IMMT: variants seen among roughly 807,000 people sequenced by gnomAD.
IMMT encodes MICOS complex subunit MIC60.
A neutral mutation model predicts 92.7 loss-of-function variants in IMMT; 40 were observed. That is an observed-to-expected ratio of 0.43 (90% CI 0.34 to 0.56). The LOEUF (loss-of-function observed/expected upper bound fraction) is 0.56, where lower values mean the gene tolerates loss of function less well. Among genes scored for constraint, IMMT ranks in the 20% least tolerant of loss-of-function variants. The pLI is 0.03. For missense variants in IMMT, 831 were observed against 912.1 expected (o/e 0.91, Z 1.14); for synonymous variants, 322 against 336.1 (o/e 0.96, Z 0.46).
At chr2:86,178,434 G>A (rs985434145) in intron 3 of IMMT, among the ~76,000 whole-genome samples, 22 of 151,602 alleles carry the variant, frequency 1.5e-4, no homozygotes, top group African/African-American at 5.3e-4. Flanking sequence ...AGACCAGCCT[G>A]GACAACATGG....
At chr2:86,179,785 C>T (rs1677702296) in intron 2 of IMMT, among the ~76,000 whole-genome samples, 163 bp from the exon 3 acceptor site, 2 of 152,160 alleles carry the variant, frequency 1.3e-5, no homozygotes. Context: ...TCACCTTTTC[C>T]TGATTTGTTT....
chr2:86,159,533 T>A lies in IMMT; in HGVS notation c.1032+3A>T. ...AAAATACTATAAGACTTAGGAAACA[T>A]ACCTTTTTGACCACATTATCCAGAT... On this transcript the variant is annotated splice_donor_region_variant and intron_variant, in intron 9 of 14. Coordinates refer to ENST00000410111, the MANE Select transcript of IMMT (RefSeq NM_006839.3). 2 of 1,582,060 alleles carry A rather than the reference T, an allele frequency of 1.3e-6. No homozygotes were observed. The highest frequency in any genetic ancestry group is 1.7e-6 in the Non-Finnish European group (2 of 1,158,050).
intron 1 of IMMT, among the ~76,000 whole-genome samples, chr2:86,194,741 T>C (rs979079342): frequency 6.6e-6 from 1 of 152,130 alleles, no homozygotes; most frequent in Non-Finnish European, 1.5e-5. Flanking sequence ...AGCCACAAGG[T>C]CATGACTCCT....
At chr2:86,185,423 G>C (rs897762204) in intron 1 of IMMT, among the ~76,000 whole-genome samples, 1 of 152,130 alleles carries the variant, frequency 6.6e-6, no homozygotes, top group African/African-American at 2.4e-5. Flanking sequence ...TCTAGTGTGT[G>C]ACCAAAAGAT....
intron 1 of IMMT, among the ~76,000 whole-genome samples, chr2:86,188,710 G>T (rs1236293714): frequency 6.6e-6 from 1 of 152,252 alleles, no homozygotes; most frequent in African/African-American, 2.4e-5. Flanking sequence ...ACAGGCATGA[G>T]CCACAGAGCC....
intron 4 of IMMT, chr2:86,171,589 AT>A: frequency 2.3e-6 from 1 of 435,330 alleles, no homozygotes; most frequent in Non-Finnish European, 4.2e-6. Context: ...ATCCACCTGC[AT>A]TTTAACCATC....
intron 3 of IMMT, 145 bp downstream of exon 3, chr2:86,179,288 G>C (rs1467376594): frequency 3.2e-6 from 2 of 623,944 alleles, no homozygotes; most frequent in African/African-American, 1.9e-5. Flanking sequence ...TCTGAGACTT[G>C]AGCATCCATG....
chr2:86,182,828 G>A (rs1672521874), intron 1 of IMMT, among the ~76,000 whole-genome samples: 3 of 150,956 alleles, frequency 2.0e-5, no homozygotes, highest in Admixed American at 6.6e-5. Flanking sequence ...TCCAGCCTGG[G>A]CAATAGAATG....
intron 1 of IMMT, among the ~76,000 whole-genome samples, chr2:86,193,676 A>G (rs1484953721): frequency 6.6e-6 from 1 of 152,168 alleles, no homozygotes; most frequent in East Asian, 1.9e-4. Context: ...ACTTGAGAGA[A>G]GCCAAAAGTA....
intron 1 of IMMT, among the ~76,000 whole-genome samples, chr2:86,189,619 A>G (rs919364036): frequency 6.6e-6 from 1 of 152,184 alleles, no homozygotes; most frequent in Non-Finnish European, 1.5e-5. Flanking sequence ...AACTCTAACT[A>G]GAGGTTCCAG....
chr2:86,146,213 AATAGTTCCAGAAAAAAGTG>A lies in IMMT; in HGVS notation c.1534-35_1534-17del. On this transcript the variant is annotated splice_polypyrimidine_tract_variant and intron_variant, in intron 13 of 14. Coordinates refer to ENST00000410111, the MANE Select transcript of IMMT (RefSeq NM_006839.3). ...CAGACAGGTTCTGAAATAAAACAGA[AATAGTTCCAGAAAAAAGTG>A]ATACTCAATGCATGTCATGTAACTG... 6.3e-7 allele frequency: 1 copy of A among 1,593,824 alleles called. No homozygotes were observed. Among genetic ancestry groups the A allele is most frequent in the Non-Finnish European group, 8.6e-7 (1 of 1,165,562 alleles).
chr2:86,185,537 A>G (rs1002984194), intron 1 of IMMT, among the ~76,000 whole-genome samples: 2 of 152,164 alleles, frequency 1.3e-5, no homozygotes, highest in African/African-American at 4.8e-5. Context: ...CCCAGATTCT[A>G]TTGAATCAAT....
chr2:86,182,557 T>C (rs1264290218), intron 1 of IMMT, among the ~76,000 whole-genome samples: 1 of 152,200 alleles, frequency 6.6e-6, no homozygotes, highest in Non-Finnish European at 1.5e-5. Context: ...ATTATTGACA[T>C]GGTGGCTCAT....
At chr2:86,147,071 A>G (rs1675074076) in intron 13 of IMMT, among the ~76,000 whole-genome samples, 1 of 152,204 alleles carries the variant, frequency 6.6e-6, no homozygotes, top group Non-Finnish European at 1.5e-5. Flanking sequence ...ACAAATTGTC[A>G]GCTTTAGAAA....
At chr2:86,147,432 C>G (rs994422081) in intron 13 of IMMT, among the ~76,000 whole-genome samples, 4 of 152,174 alleles carry the variant, frequency 2.6e-5, no homozygotes, top group Admixed American at 1.3e-4. Context: ...GAGGAAGATA[C>G]ACATGTCAAA....
rs1373765567 is a variant in IMMT at position 86,154,212 on chromosome 2, G to A, written c.1163-638C>T. On this transcript the variant is annotated intron_variant, in intron 10 of 14. Transcript: ENST00000410111. ...TTTTGAGACAGAGTCTCGCTCTGTC[G>A]CCCAGGCTGGAGTGCAGTGGCGCAA... 5.6e-5 allele frequency among the ~76,000 whole-genome samples: 8 copies of A among 142,306 alleles called. No homozygotes were observed. In the East Asian group the frequency reaches 1.2e-3, roughly 22 times the overall value. 93.4% of individuals were successfully genotyped at this position (142,306 alleles called of 152,430 possible).
chr2:86,152,262 G>C (rs887887364), intron 11 of IMMT, among the ~76,000 whole-genome samples: 1 of 151,956 alleles, frequency 6.6e-6, no homozygotes, highest in Admixed American at 6.6e-5. Flanking sequence ...CCAACCTGGT[G>C]AAACTCCGTC....
At chr2:86,154,317 C>G (rs1034918850) in intron 10 of IMMT, among the ~76,000 whole-genome samples, 2 of 151,728 alleles carry the variant, frequency 1.3e-5, no homozygotes, top group Non-Finnish European at 2.9e-5. Flanking sequence ...GGACTACATG[C>G]GCCTCCCACC....
At chr2:86,178,431 C>T (rs1677594870) in intron 3 of IMMT, among the ~76,000 whole-genome samples, 2 of 151,764 alleles carry the variant, frequency 1.3e-5, no homozygotes, top group South Asian at 4.2e-4. Context: ...TCAAGACCAG[C>T]CTGGACAACA....
Sources: allele counts gnomAD v4.1 joint callset (sites outside exome capture counted in the v4.1 genomes callset), GRCh38; gene constraint gnomAD v4.1.1; transcripts MANE v1.5; gene names NCBI Gene and HGNC (gene_info 2026-07-23, HGNC 2026-07-21).